Variants in EFHD1 observed in about 807,000 individuals in gnomAD.
The protein encoded by EFHD1 is EF-hand domain family member D1.
EFHD1 carries 10 observed loss-of-function variants against 17.2 expected under a neutral mutation model. The ratio of observed to expected loss-of-function variants is 0.58; its 90% CI spans 0.36 to 0.99. EFHD1 has a LOEUF of 0.99. Among genes scored for constraint, EFHD1 ranks in the 50% least tolerant of loss-of-function variants. The probability of loss-of-function intolerance (pLI) is 0.01; values close to 1 mark genes in which losing one functional copy is unlikely to be tolerated. For synonymous variants in EFHD1, 153 were observed against 142.0 expected, an observed-to-expected ratio of 1.08 and a Z score of -0.55; for missense variants, 310 against 327.5, an observed-to-expected ratio of 0.95 and a Z score of 0.41.
chr2:232,613,611 C>CACACACACACACATAT (rs1693846667), intron 1 of EFHD1, among the ~76,000 whole-genome samples: 1 of 94,990 alleles, frequency 1.1e-5, no homozygotes, highest in Non-Finnish European at 2.3e-5. Context: ...ACCACACACA[C>CACACACACACACATAT]ACACACACAC....
rs1694921879 is a variant in EFHD1, at chr2:232,663,858, T to C, written c.450+909T>C. Among the ~76,000 whole-genome samples the C allele has an allele frequency of 2.0e-5, 3 of 152,202 alleles. 1 individual carries two copies. Among genetic ancestry groups the C allele is most frequent in the East Asian group, 1.9e-4 (1 of 5,206 alleles). On this transcript the variant is annotated intron_variant, in intron 2 of 3. Coordinates refer to ENST00000264059, the MANE Select transcript of EFHD1 (RefSeq NM_025202.4). ...TGGAGTGCAGTGGCTCAATCCTCAA[T>C]CATGGCTCACTGCAGCCTTGACCTT...
intron 3 of EFHD1, among the ~76,000 whole-genome samples, chr2:232,678,418 G>A (rs76032109): frequency 1.3e-5 from 2 of 152,100 alleles, no homozygotes; most frequent in South Asian, 4.1e-4. Flanking sequence ...TATCTCAAAG[G>A]TATTTGGTAA....
At chr2:232,616,796 A>G (rs2106184412) in intron 1 of EFHD1, among the ~76,000 whole-genome samples, 1 of 150,636 alleles carries the variant, frequency 6.6e-6, no homozygotes, top group South Asian at 2.1e-4. Flanking sequence ...TGAAATGTAC[A>G]CCTAAAAATG....
intron 2 of EFHD1, among the ~76,000 whole-genome samples, chr2:232,669,327 C>T (rs183588009): frequency 5.3e-5 from 8 of 152,320 alleles, no homozygotes; most frequent in Non-Finnish European, 1.2e-4. Flanking sequence ...GGCTGACCGT[C>T]GGCCTCTCCG....
chr2:232,609,452 TC>T (rs1474225024), intron 1 of EFHD1, among the ~76,000 whole-genome samples: 1 of 152,200 alleles, frequency 6.6e-6, no homozygotes, highest in African/African-American at 2.4e-5. Context: ...AATTTTCACT[TC>T]AATTATTTGT....
chr2:232,665,073 G>T (rs1694946100), intron 2 of EFHD1, among the ~76,000 whole-genome samples: 1 of 152,008 alleles, frequency 6.6e-6, no homozygotes, highest in African/African-American at 2.4e-5. Context: ...ACTACACCTG[G>T]CTAATTTTTT....
intron 3 of EFHD1, among the ~76,000 whole-genome samples, chr2:232,677,247 C>CACGT (rs1695194305): frequency 6.1e-5 from 8 of 132,168 alleles, no homozygotes; most frequent in Non-Finnish European, 1.1e-4. Context: ...CACACGTACA[C>CACGT]ACACACATCT....
chr2:232,637,180 C>T (rs1694333838), intron 1 of EFHD1, among the ~76,000 whole-genome samples: 1 of 152,108 alleles, frequency 6.6e-6, no homozygotes, highest in African/African-American at 2.4e-5. Context: ...CTGTGCTGCC[C>T]TTGAGGCGCC....
chr2:232,622,846 A>G (rs1483298906), intron 1 of EFHD1, among the ~76,000 whole-genome samples: 1 of 152,162 alleles, frequency 6.6e-6, no homozygotes, highest in East Asian at 1.9e-4. Flanking sequence ...AATACACCCT[A>G]CATTACAAAG....
Position 232,677,210 on chromosome 2 carries a change from A to ACT in EFHD1, c.586-4374_586-4373insTC, listed in dbSNP as rs201866477. On this transcript the variant is annotated intron_variant, in intron 3 of 3. Coordinates refer to ENST00000264059, the MANE Select transcript of EFHD1 (RefSeq NM_025202.4). ...CAACATGGCAAGACCCCATCTCTAC[A>ACT]CACACACACACACACACACACACAC... Among the ~76,000 whole-genome samples, 286 of 52,252 alleles carry ACT rather than the reference A, an allele frequency of 5.5e-3. 3 individuals carry two copies. The East Asian group carries it at 0.15, about 27-fold the overall frequency. The allele number at this position is 52,252 out of a possible 152,430, so 34.3% of individuals were successfully genotyped here. A position where few individuals can be genotyped will look rare whatever the true frequency, so the allele number is the denominator to read the frequency against.
chr2:232,662,155 G>A (rs1280475115), intron 1 of EFHD1, among the ~76,000 whole-genome samples: 1 of 152,120 alleles, frequency 6.6e-6, no homozygotes, highest in Admixed American at 6.5e-5. Context: ...TCCTGGCTGG[G>A]GGCTGGGGGG....
intron 2 of EFHD1, among the ~76,000 whole-genome samples, chr2:232,671,567 ATACAAAAAAAT>A: frequency 6.6e-6 from 1 of 151,520 alleles, no homozygotes; most frequent in African/African-American, 2.4e-5. Flanking sequence ...CTCTACTAAA[ATACAAAAAAAT>A]TAGCGAGGCA....
chr2:232,656,392 G>T (rs1397820282), intron 1 of EFHD1, among the ~76,000 whole-genome samples: 1 of 151,234 alleles, frequency 6.6e-6, no homozygotes, highest in Non-Finnish European at 1.5e-5. Flanking sequence ...TGCTGGGAAA[G>T]TCAGTCTGTG....
upstream of EFHD1, chr2:232,633,394 G>T (rs990345349): frequency 1.1e-5 from 12 of 1,122,948 alleles, no homozygotes; most frequent in Admixed American, 5.2e-4. Context: ...GTCCCGGGGG[G>T]ACGGTCAGCC....
chr2:232,659,893 C>G (rs979609946), intron 1 of EFHD1, among the ~76,000 whole-genome samples: 1 of 152,134 alleles, frequency 6.6e-6, no homozygotes, highest in Admixed American at 6.5e-5. Flanking sequence ...TTCACATGGC[C>G]GGAACAGGAG....
intron 1 of EFHD1, among the ~76,000 whole-genome samples, chr2:232,609,208 C>T (rs1284169956): frequency 6.6e-6 from 1 of 151,394 alleles, no homozygotes; most frequent in Non-Finnish European, 1.5e-5. Flanking sequence ...TACAGGCGCC[C>T]ACCACCATGC....
rs118161218 is a variant in EFHD1, at chr2:232,614,582, C to T, written c.14+8409C>T. 3.9e-5 allele frequency among the ~76,000 whole-genome samples: 6 copies of T among 152,308 alleles called. No homozygotes were observed. In the East Asian group the frequency reaches 9.6e-4, roughly 24 times the overall value. ...CACCAAATAAGTCTGCTTTCTAATC[C>T]CCTCAAGAATTAGAATGAGTGGATT... On this transcript the variant is annotated intron_variant, in intron 1 of 3. Coordinates refer to the EFHD1 transcript ENST00000409613.
At chr2:232,608,655 G>T (rs1693761201) in intron 1 of EFHD1, among the ~76,000 whole-genome samples, 1 of 152,184 alleles carries the variant, frequency 6.6e-6, no homozygotes, top group Non-Finnish European at 1.5e-5. Context: ...AAACAGCCGG[G>T]CCCAGTGGCT....
intron 1 of EFHD1, among the ~76,000 whole-genome samples, chr2:232,644,634 C>T (rs1401121907): frequency 2.0e-5 from 3 of 151,736 alleles, no homozygotes; most frequent in East Asian, 1.9e-4. Context: ...CTCAGCCTCC[C>T]GAGTAGCTGG....
Sources: allele counts gnomAD v4.1 joint callset (sites outside exome capture counted in the v4.1 genomes callset), GRCh38; gene constraint gnomAD v4.1.1; transcripts MANE v1.5; gene names NCBI Gene and HGNC (gene_info 2026-07-23, HGNC 2026-07-21).